CD109: variants seen among roughly 807,000 people sequenced by gnomAD.
The protein encoded by CD109 is CD109 molecule.
CD109 carries 149 observed loss-of-function variants against 165.8 expected under a neutral mutation model. The ratio of observed to expected loss-of-function variants is 0.90; its 90% CI spans 0.79 to 1.03. The LOEUF is 1.03. Ranked by LOEUF, CD109 falls within the 50% of genes least tolerant of loss-of-function variation. CD109 has a pLI of 0.00. For synonymous variants in CD109, 585 were observed against 592.1 expected (o/e 0.99, Z 0.18); for missense variants, 1,712 against 1,677.8 (o/e 1.02, Z -0.36).
In CD109 at chr6:73,765,960, C is replaced by T. The variant is rs1177077848; in HGVS notation, c.1138C>T (p.Leu380=). The change falls in exon 11 of 33, where the codon CTG becomes TTG. Residue 380 remains leucine, a synonymous_variant. Coordinates refer to ENST00000287097, the MANE Select transcript of CD109 (RefSeq NM_133493.5). ...GGTAACTCGTGCTGATGGCAACCAA[C>T]TGACTCTTGAAGAAAGAAGAAATAA... is the stretch of plus-strand genomic sequence containing the variant. ...VKVTRADGNQ[L]TLEERRNNVV... 1.9e-6 allele frequency: 3 copies of T among 1,613,854 alleles called. No individual in the cohort carries two copies. The highest frequency in any genetic ancestry group is 4.5e-5 in the East Asian group (2 of 44,880).
At chr6:73,706,590 C>T (rs185800387) in intron 2 of CD109, among the ~76,000 whole-genome samples, 206 of 152,288 alleles carry the variant, frequency 1.4e-3, no homozygotes, top group Non-Finnish European at 2.1e-3. Context: ...ATCTCTTTCA[C>T]TCTTCACTTA....
In CD109 at chr6:73,771,478, C is replaced by T; in HGVS notation, c.1724C>T (p.Ser575Phe). Residue 575 changes from serine to phenylalanine, a missense_variant, in exon 15 of 33, where the codon TCT becomes TTT. Physicochemically the swap from Ser to Phe is radical, Grantham distance 155. Transcript: ENST00000287097. Reference protein sequence around the residue: ...KVKAEPSEKVSLRISVTQPDS... With the variant: ...KVKAEPSEKVFLRISVTQPDS... Reference sequence around the variant, plus strand: ...AAAGCTGAACCATCTGAGAAAGTCTCTCTTAGGATCTCTGTGACACAGCCT... The same window carrying T: ...AAAGCTGAACCATCTGAGAAAGTCTTTCTTAGGATCTCTGTGACACAGCCT... The T allele has an allele frequency of 6.2e-7, 1 of 1,610,122 alleles. No individual in the cohort carries two copies. Among genetic ancestry groups the T allele is most frequent in the Non-Finnish European group, 8.5e-7 (1 of 1,178,526 alleles).
Position 73,823,569 on chromosome 6 carries a change from A to G in CD109, c.4274A>G (p.His1425Arg), listed in dbSNP as rs760383747. The change falls in exon 33 of 33, where the codon CAT becomes CGT. Residue 1425 changes from histidine to arginine, a missense_variant. Coordinates refer to ENST00000287097, the MANE Select transcript of CD109 (RefSeq NM_133493.5). The stretch of plus-strand genomic sequence containing the variant: ...GAGGATGGAGCTTCAGGCTCCCATC[A>G]TCACTCTTCAGTCATTTTTATTTTC... Reference protein sequence around the residue: ...PCEDGASGSHHHSSVIFIFCF... With the variant: ...PCEDGASGSHRHSSVIFIFCF... The G allele has an allele frequency of 1.1e-5, 17 of 1,613,736 alleles. No individual in the cohort carries two copies. The highest frequency in any genetic ancestry group is 4.4e-5 in the South Asian group (4 of 91,064).
intron 2 of CD109, among the ~76,000 whole-genome samples, chr6:73,718,718 G>T (rs1771836361): frequency 1.3e-5 from 2 of 152,134 alleles, no homozygotes; most frequent in South Asian, 4.2e-4. Context: ...ATGTCTCAGT[G>T]TTCTCATTTG....
At chr6:73,770,239 G>T (rs1773986509) in intron 14 of CD109, among the ~76,000 whole-genome samples, 2 of 152,190 alleles carry the variant, frequency 1.3e-5, no homozygotes, top group Admixed American at 1.3e-4. Context: ...GCTGGGAAAA[G>T]ATTTACATCT....
intron 2 of CD109, among the ~76,000 whole-genome samples, chr6:73,707,962 T>TTATA (rs200081535): frequency 2.7e-3 from 342 of 126,618 alleles, no homozygotes; most frequent in African/African-American, 5.8e-3. Flanking sequence ...ATTGTTATCT[T>TTATA]TATATATATA....
chr6:73,788,605 T>A lies in CD109; in HGVS notation c.2694T>A (p.Thr898=). Reference sequence around the variant, plus strand: ...CTGGCAGTGAAAGAGTTCAGATCACTGCAATTGGTAAGAATAGAGTATATC... The same window carrying A: ...CTGGCAGTGAAAGAGTTCAGATCACAGCAATTGGTAAGAATAGAGTATATC... ...TVTGSERVQI[T]AIGDVLGPSI... Residue 898 remains threonine (T), a synonymous_variant, in exon 22 of 33, where the codon ACT becomes ACA. Transcript: ENST00000287097. 6.2e-7 allele frequency: 1 copy of A among 1,612,102 alleles called. No homozygotes were observed. Among genetic ancestry groups the A allele is most frequent in the Non-Finnish European group, 8.5e-7 (1 of 1,179,236 alleles).
At chr6:73,752,328 A>ACC (rs1773224229) in intron 5 of CD109, among the ~76,000 whole-genome samples, 1 of 152,186 alleles carries the variant, frequency 6.6e-6, no homozygotes, top group Non-Finnish European at 1.5e-5. Flanking sequence ...AGGGAAGAAA[A>ACC]ATTCTGTAAC....
chr6:73,718,029 G>T (rs991562091), intron 2 of CD109, among the ~76,000 whole-genome samples: 3 of 151,786 alleles, frequency 2.0e-5, no homozygotes, highest in African/African-American at 7.3e-5. Flanking sequence ...GATCATATTG[G>T]CTGGGCGTGG....
chr6:73,781,483 TG>T (rs940705567), intron 17 of CD109, among the ~76,000 whole-genome samples, 164 bp downstream of exon 17: 16 of 152,150 alleles, frequency 1.1e-4, no homozygotes, highest in African/African-American at 3.9e-4. Flanking sequence ...GAAGTACATC[TG>T]GGCCATGACA....
rs1383940541 is a variant in CD109 at position 73,736,587 on chromosome 6, TTATACAA to T, written c.633+81_633+87del. 18 of 1,272,872 alleles carry T rather than the reference TTATACAA, an allele frequency of 1.4e-5. No homozygotes were observed. In the East Asian group the frequency reaches 4.3e-4, roughly 30 times the overall value. 78.8% of individuals were successfully genotyped at this position (1,272,872 alleles called of 1,614,324 possible). On this transcript the variant is annotated intron_variant, in intron 5 of 32. Coordinates refer to ENST00000287097, the MANE Select transcript of CD109 (RefSeq NM_133493.5). ...GGTGGGGGAAAATCTCCAAAGTCAT[TTATACAA>T]TGAAGAGAAAAAAATTAATGTGAAC...
chr6:73,692,542 C>A (rs1042450127), upstream of CD109, among the ~76,000 whole-genome samples: 2 of 152,052 alleles, frequency 1.3e-5, no homozygotes, highest in Non-Finnish European at 2.9e-5. Context: ...TGTCTATGTA[C>A]ACATAAATAC....
chr6:73,806,196 G>T (rs1191085407), intron 24 of CD109, among the ~76,000 whole-genome samples: 1 of 152,170 alleles, frequency 6.6e-6, no homozygotes, highest in African/African-American at 2.4e-5. Flanking sequence ...AAAAGGATGA[G>T]TTCATGTCCT....
intron 2 of CD109, among the ~76,000 whole-genome samples, chr6:73,705,376 A>G (rs1771228649): frequency 6.6e-6 from 1 of 152,202 alleles, no homozygotes; most frequent in South Asian, 2.1e-4. Context: ...ACAGTGGCTC[A>G]TGCCTGTAAT....
chr6:73,711,879 A>C (rs1771550727), intron 2 of CD109, among the ~76,000 whole-genome samples: 1 of 152,142 alleles, frequency 6.6e-6, no homozygotes, highest in Admixed American at 6.5e-5. Context: ...TAGGGGGTAC[A>C]TGTGCAGTTT....
chr6:73,799,245 A>G (rs180805248), intron 23 of CD109, among the ~76,000 whole-genome samples: 348 of 152,298 alleles, frequency 2.3e-3, no homozygotes, highest in African/African-American at 7.9e-3. Context: ...GATAATGCCT[A>G]TCATTTAATT....
chr6:73,820,371 T>C, intron 31 of CD109, 90 bp from the exon 32 acceptor site: 1 of 661,732 alleles, frequency 1.5e-6, no homozygotes, highest in South Asian at 2.2e-5. Context: ...TAGTCTCTGT[T>C]TCCTAAAATG....
intron 10 of CD109, among the ~76,000 whole-genome samples, chr6:73,764,415 A>G (rs1367409242): frequency 6.6e-6 from 1 of 152,234 alleles, no homozygotes; most frequent in African/African-American, 2.4e-5. Context: ...GCCATAGCCA[A>G]TTTATAAATA....
chr6:73,696,327 G>A (rs564040217), intron 1 of CD109, 38 bp downstream of exon 1: 2 of 1,391,952 alleles, frequency 1.4e-6, no homozygotes, highest in Non-Finnish European at 1.8e-6. Flanking sequence ...GCGGGCGCGC[G>A]GGCCTGGGCC....
Sources: gnomAD v4.1 joint callset for allele counts (sites outside exome capture counted in the v4.1 genomes callset) on GRCh38, gnomAD v4.1.1 for gene constraint, MANE v1.5 for transcripts, NCBI Gene and HGNC (gene_info 2026-07-23, HGNC 2026-07-21) for gene names.